LRRC4: variants seen among roughly 807,000 people sequenced by gnomAD.
LRRC4 encodes leucine-rich repeat-containing protein 4.
Under a neutral mutation model 37.9 loss-of-function variants are expected in LRRC4, and 11 were observed. That is an observed-to-expected ratio of 0.29 (90% CI 0.18 to 0.48). The LOEUF (loss-of-function observed/expected upper bound fraction) is 0.48, where lower values mean the gene tolerates loss of function less well. LRRC4 is among the 20% of genes least tolerant of loss of function. The probability of loss-of-function intolerance (pLI) is 0.99; values close to 1 mark genes in which losing one functional copy is unlikely to be tolerated. For missense variants in LRRC4, 717 were observed against 842.1 expected, an observed-to-expected ratio of 0.85 and a Z score of 1.84; for synonymous variants, 404 against 346.7, an observed-to-expected ratio of 1.17 and a Z score of -1.84.
At position 128,030,607 on chromosome 7, in the gene LRRC4, G is replaced by C. The variant is rs755779022; in HGVS notation, c.34C>G (p.His12Asp). ...GGGAGCAGGATGGCATTCCAGGTGT[G>C]GTGGTGCACAGTTACCTGCCACAAG... The part of the protein sequence containing the change: ...KLLWQVTVHH[H>D]TWNAILLPFV... The change falls in exon 2 of 2, where the codon CAC becomes GAC. Residue 12 changes from histidine to aspartate, a missense_variant. His to Asp is a moderately conservative substitution (Grantham distance 81, BLOSUM62 -1). Coordinates refer to ENST00000249363, the MANE Select transcript of LRRC4 (RefSeq NM_022143.5). 6.3e-7 allele frequency: 1 copy of C among 1,581,796 alleles called. No homozygotes were observed. Among genetic ancestry groups the C allele is most frequent in the Non-Finnish European group, 8.6e-7 (1 of 1,160,174 alleles).
At position 128,029,316 on chromosome 7, in the gene LRRC4, C is replaced by T. The variant is rs779369673; in HGVS notation, c.1325G>A (p.Ser442Asn). Residue 442 changes from serine (S) to asparagine (N), a missense_variant, in exon 2 of 2, where the codon AGC (serine) becomes AAC (asparagine). Ser to Asn is a conservative substitution (Grantham distance 46). Transcript: ENST00000249363. The surrounding 1 kb of genome is among the most constrained non-coding windows in gnomAD (Gnocchi z 4.2). Reference protein sequence around the residue: ...NSNASAYLNVSTAELNTSNYS... With the variant: ...NSNASAYLNVNTAELNTSNYS... The stretch of plus-strand genomic sequence containing the variant: ...GTTGGAGGTGTTAAGCTCAGCCGTG[C>T]TCACATTGAGGTAGGCCGAGGCGTT... The T allele has an allele frequency of 5.6e-6, 9 of 1,614,066 alleles. No individual in the cohort carries two copies.
rs751367087 is a variant in LRRC4 at position 128,029,282 on chromosome 7, G to C, written c.1359C>G (p.Phe453Leu). 7.4e-6 allele frequency: 12 copies of C among 1,614,214 alleles called. No individual in the cohort carries two copies. The highest frequency in any genetic ancestry group is 1.0e-5 in the Non-Finnish European group (12 of 1,180,050). Residue 453 changes from phenylalanine (F) to leucine (L), a missense_variant, in exon 2 of 2, where the codon TTC (phenylalanine) becomes TTG (leucine). Coordinates refer to ENST00000249363, the MANE Select transcript of LRRC4 (RefSeq NM_022143.5). This position sits in a 1 kb window ranked among gnomAD's most constrained non-coding sequence, Gnocchi z 4.2. ...TAELNTSNYS[F>L]FTTVTVETTE... is the part of the protein sequence containing the mutation. ...TGGTCTCCACTGTTACTGTGGTGAA[G>C]AAGCTGTAGTTGGAGGTGTTAAGCT... is the stretch of plus-strand genomic sequence containing the variant.
intron 1 of LRRC4, 41 bp from the exon 2 acceptor site, chr7:128,030,781 G>A: frequency 9.0e-7 from 1 of 1,113,786 alleles, no homozygotes; most frequent in South Asian, 1.8e-5. Context: ...GAGAGACGGA[G>A]CGGATCGGCC....
rs770509103 is a variant in LRRC4, at chr7:128,030,431, C to A, written c.210G>T (p.Pro70=). The change falls in exon 2 of 2, where the codon CCG becomes CCT. Residue 70 remains proline, a synonymous_variant. Transcript: ENST00000249363. ...ACCGGGTGTTCGAGGGAATACCCTG[C>A]GGGACCTCGGAGAGGCCCCGGCGCG... The part of the protein sequence containing the change: ...VCTRRGLSEV[P]QGIPSNTRYL... 5.0e-6 allele frequency: 8 copies of A among 1,613,790 alleles called. No individual in the cohort carries two copies. The South Asian group carries it at 8.8e-5, about 18-fold the overall frequency.
rs1281051968 is a variant in LRRC4 at position 128,028,720 on chromosome 7, GAATTATATAA to G, written c.1911_1920del (p.Tyr638ArgfsTer22). 6.2e-7 allele frequency: 1 copy of G among 1,613,944 alleles called. No individual in the cohort carries two copies. The highest frequency in any genetic ancestry group is 2.2e-5 in the East Asian group (1 of 44,888). Reference sequence around the variant, plus strand: ...TGTACCTTGTCCTTGGTATGGGTCTGAATTATATAAGGTTCAGAGATAGTGGTGACTGTGG... The same window carrying G: ...TGTACCTTGTCCTTGGTATGGGTCTGGGTTCAGAGATAGTGGTGACTGTGG... On this transcript the variant is annotated frameshift_variant, in exon 2 of 2. Transcript: ENST00000249363. LOFTEE classifies it high-confidence loss of function.
rs1803539746 is a variant in LRRC4, at chr7:128,028,371, ATTTT to A, written c.*304_*307del. 3.8e-6 allele frequency: 1 copy of A among 261,860 alleles called. No individual in the cohort carries two copies. The highest frequency in any genetic ancestry group is 4.9e-5 in the Admixed American group (1 of 20,324). 16.2% of individuals were successfully genotyped at this position (261,860 alleles called of 1,614,324 possible). ...TTAAGGATGTTTGTTGTTTTAGTTT[ATTTT>A]ATCTCAGCAATTTCAACCTTATACC... On this transcript the variant is annotated 3_prime_UTR_variant, in exon 2 of 2. Transcript: ENST00000249363.
chr7:128,029,505 A>G lies in LRRC4; in HGVS notation c.1136T>C (p.Met379Thr), dbSNP rs748992263. 7 of 1,614,116 alleles carry G rather than the reference A, an allele frequency of 4.3e-6. No individual in the cohort carries two copies. The Admixed American group carries it at 1.2e-4, about 27-fold the overall frequency. Residue 379 changes from methionine to threonine, a missense_variant, in exon 2 of 2, where the codon ATG becomes ACG. Around this residue, in one of 5 missense-constraint regions of LRRC4, gnomAD observed 293 missense variants for 268.3 expected, o/e 1.09. Transcript: ENST00000249363. The surrounding 1 kb of genome is among the most constrained non-coding windows in gnomAD (Gnocchi z 4.2). ...MAELKCRTPP[M>T]SSVKWLLPNG... ...GGGCAGCAACCACTTCACGGAGGAC[A>G]TAGGGGGAGTCCGACACTTAAGTTC...
Position 128,029,232 on chromosome 7 carries a change from G to T in LRRC4, c.1409C>A (p.Thr470Lys). 1 of 1,614,148 alleles carries T rather than the reference G, an allele frequency of 6.2e-7. No individual in the cohort carries two copies. The highest frequency in any genetic ancestry group is 8.5e-7 in the Non-Finnish European group (1 of 1,180,038). Residue 470 changes from threonine to lysine, a missense_variant, in exon 2 of 2, where the codon ACG (threonine) becomes AAG (lysine). Physicochemically the swap from Thr to Lys is moderately conservative, Grantham distance 78 (BLOSUM62 -1). Transcript: ENST00000249363. This position sits in a 1 kb window ranked among gnomAD's most constrained non-coding sequence, Gnocchi z 4.2. ...ETTEISPEDT[T>K]RKYKPVPTTS... is the part of the protein sequence containing the mutation. ...GGTAGGAACAGGCTTGTACTTTCGC[G>T]TTGTGTCCTCAGGCGAGATCTCCGT...
In LRRC4 at chr7:128,027,880, G is replaced by C. The variant is rs918483267; in HGVS notation, c.*799C>G. ...CCTGAATAGACACATGCCTTGCAGA[G>C]TGGGTTAAGCCCAACTGCAGGAATC... is the stretch of plus-strand genomic sequence containing the variant. On this transcript the variant is annotated 3_prime_UTR_variant, in exon 2 of 2. Transcript: ENST00000249363. 1 of 152,174 alleles carries C rather than the reference G, an allele frequency of 6.6e-6. No homozygotes were observed. Among genetic ancestry groups the C allele is most frequent in the African/African-American group, 2.4e-5 (1 of 41,426 alleles). 9.4% of individuals were successfully genotyped at this position (152,174 alleles called of 1,614,324 possible).
rs981755190 is a variant in LRRC4 at position 128,028,174 on chromosome 7, T to C, written c.*505A>G. On this transcript the variant is annotated 3_prime_UTR_variant, in exon 2 of 2. Coordinates refer to ENST00000249363, the MANE Select transcript of LRRC4 (RefSeq NM_022143.5). ...ATCATTTTGGCACAGTACAAATTCA[T>C]GGTGCTTTTTTTTTGTATTTTTTTT... 5 of 153,066 alleles carry C rather than the reference T, an allele frequency of 3.3e-5. No homozygotes were observed. Among genetic ancestry groups the C allele is most frequent in the African/African-American group, 1.2e-4 (5 of 41,464 alleles). The allele number at this position is 153,066 out of a possible 1,614,324, so 9.5% of individuals were successfully genotyped here.
Position 128,028,549 on chromosome 7 carries a change from GTTTT to G in LRRC4, c.*126_*129del, listed in dbSNP as rs906874993. On this transcript the variant is annotated 3_prime_UTR_variant, in exon 2 of 2. Coordinates refer to ENST00000249363, the MANE Select transcript of LRRC4 (RefSeq NM_022143.5). ...TTGTCTTTAAATTTTAATATAATCT[GTTTT>G]TTTTAACCAGCCCATAGACTTAATA... The G allele has an allele frequency of 1.2e-6, 1 of 831,276 alleles. No homozygotes were observed. Among genetic ancestry groups the G allele is most frequent in the South Asian group, 2.5e-5 (1 of 40,806 alleles). 51.5% of individuals were successfully genotyped at this position (831,276 alleles called of 1,614,324 possible).
At position 128,030,581 on chromosome 7, in the gene LRRC4, C is replaced by A. The variant is rs1452081956; in HGVS notation, c.60G>T (p.Pro20=). 2 of 1,604,954 alleles carry A rather than the reference C, an allele frequency of 1.2e-6. No individual in the cohort carries two copies. ...HHHTWNAILL[P]FVYLTAQVWI... ...ACACTTGCGCCGTGAGGTAGACGAA[C>A]GGGAGCAGGATGGCATTCCAGGTGT... The change falls in exon 2 of 2, where the codon CCG becomes CCT. Residue 20 remains proline (P), a synonymous_variant. Coordinates refer to ENST00000249363, the MANE Select transcript of LRRC4 (RefSeq NM_022143.5).
At position 128,029,334 on chromosome 7, in the gene LRRC4, G is replaced by C. The variant is rs774982699; in HGVS notation, c.1307C>G (p.Ser436Trp). The change falls in exon 2 of 2, where the codon TCG becomes TGG. Residue 436 changes from serine to tryptophan, a missense_variant. Coordinates refer to ENST00000249363, the MANE Select transcript of LRRC4 (RefSeq NM_022143.5). The surrounding 1 kb of genome is among the most constrained non-coding windows in gnomAD (Gnocchi z 4.2). ...AGCCGTGCTCACATTGAGGTAGGCCGAGGCGTTGGAGTTGCCTGCAACATT... is the reference window on the plus strand; with the variant it reads ...AGCCGTGCTCACATTGAGGTAGGCCCAGGCGTTGGAGTTGCCTGCAACATT... ...VTNVAGNSNA[S>W]AYLNVSTAEL... 3.7e-6 allele frequency: 6 copies of C among 1,614,058 alleles called. No homozygotes were observed. Among genetic ancestry groups the C allele is most frequent in the African/African-American group, 1.3e-5 (1 of 74,906 alleles).
Position 128,031,343 on chromosome 7 carries a change from G to A in LRRC4, c.-531C>T, listed in dbSNP as rs1238473690. 1.3e-5 allele frequency among the ~76,000 whole-genome samples: 2 copies of A among 151,814 alleles called. No individual in the cohort carries two copies. The highest frequency in any genetic ancestry group is 2.4e-5 in the African/African-American group (1 of 41,400). On this transcript the variant is annotated 5_prime_UTR_variant, in exon 1 of 2. Transcript: ENST00000249363. ...GCGGGCCGCCGCCGGAGGGAGTGCG[G>A]GGGCGCCCCGAAGCCGCCCAGGCCG... is the stretch of plus-strand genomic sequence containing the variant.
Position 128,030,354 on chromosome 7 carries a change from C to G in LRRC4, c.287G>C (p.Arg96Pro), listed in dbSNP as rs746701145. The change falls in exon 2 of 2, where the codon CGC becomes CCC. Residue 96 changes from arginine (R) to proline (P), a missense_variant. Around this residue, in one of 5 missense-constraint regions of LRRC4, gnomAD observed 127 missense variants for 134.8 expected, o/e 0.94. Transcript: ENST00000249363. The part of the protein sequence containing the change: ...NIQMIQADTF[R>P]HLHHLEVLQL... ...CAGGACCTCCAGGTGGTGGAGGTGGCGGAAGGTGTCGGCCTGGATCATCTG... is the reference window on the plus strand; with the variant it reads ...CAGGACCTCCAGGTGGTGGAGGTGGGGGAAGGTGTCGGCCTGGATCATCTG... 1 of 1,613,914 alleles carries G rather than the reference C, an allele frequency of 6.2e-7. No homozygotes were observed. Among genetic ancestry groups the G allele is most frequent in the Non-Finnish European group, 8.5e-7 (1 of 1,180,010 alleles).
Position 128,029,361 on chromosome 7 carries a change from G to A in LRRC4, c.1280C>T (p.Thr427Ile). Residue 427 changes from threonine (T) to isoleucine (I), a missense_variant, in exon 2 of 2, where the codon ACC becomes ATC. Coordinates refer to ENST00000249363, the MANE Select transcript of LRRC4 (RefSeq NM_022143.5). The surrounding 1 kb of genome is among the most constrained non-coding windows in gnomAD (Gnocchi z 4.2). ...GGCGTTGGAGTTGCCTGCAACATTG[G>A]TCACCATGCATGTGTACACCCCAGT... ...SDTGVYTCMV[T>I]NVAGNSNASA... 6.2e-7 allele frequency: 1 copy of A among 1,614,184 alleles called. No individual in the cohort carries two copies. Among genetic ancestry groups the A allele is most frequent in the South Asian group, 1.1e-5 (1 of 91,084 alleles).
chr7:128,031,236 T>C lies in LRRC4; in HGVS notation c.-424A>G, dbSNP rs1185225260. Among the ~76,000 whole-genome samples the C allele has an allele frequency of 6.7e-6, 1 of 149,512 alleles. No individual in the cohort carries two copies. Among genetic ancestry groups the C allele is most frequent in the African/African-American group, 2.4e-5 (1 of 41,046 alleles). On this transcript the variant is annotated 5_prime_UTR_variant, in exon 1 of 2. Coordinates refer to ENST00000249363, the MANE Select transcript of LRRC4 (RefSeq NM_022143.5). Reference sequence around the variant, plus strand: ...CACCAGCGCTTCCCGGCTTTGTCCTTGGACCCTGGCACCGGCTCGCTCCAG... The same window carrying C: ...CACCAGCGCTTCCCGGCTTTGTCCTCGGACCCTGGCACCGGCTCGCTCCAG...
Position 128,027,813 on chromosome 7 carries a change from C to T in LRRC4, c.*866G>A, listed in dbSNP as rs1803522348. ...TGCTTTACCCTCCCTTCCCACCCCC[C>T]TGCTGCCGCACCCCTTCAGGGGCCT... On this transcript the variant is annotated 3_prime_UTR_variant, in exon 2 of 2. Coordinates refer to ENST00000249363, the MANE Select transcript of LRRC4 (RefSeq NM_022143.5). 6.6e-6 allele frequency: 1 copy of T among 152,016 alleles called. No individual in the cohort carries two copies. The highest frequency in any genetic ancestry group is 1.5e-5 in the Non-Finnish European group (1 of 68,050). 9.4% of individuals were successfully genotyped at this position (152,016 alleles called of 1,614,324 possible). A position where few individuals can be genotyped will look rare whatever the true frequency, so the allele number is the denominator to read the frequency against.
rs1217588631 is a variant in LRRC4, at chr7:128,029,342, G to C, written c.1299C>G (p.Ser433=). The C allele has an allele frequency of 6.2e-7, 1 of 1,614,078 alleles. No homozygotes were observed. The highest frequency in any genetic ancestry group is 1.3e-5 in the African/African-American group (1 of 74,922). The part of the protein sequence containing the change: ...TCMVTNVAGN[S]NASAYLNVST... ...TCACATTGAGGTAGGCCGAGGCGTT[G>C]GAGTTGCCTGCAACATTGGTCACCA... Residue 433 remains serine, a synonymous_variant, in exon 2 of 2, where the codon TCC becomes TCG. Transcript: ENST00000249363. This position sits in a 1 kb window ranked among gnomAD's most constrained non-coding sequence, Gnocchi z 4.2.
Sources: gnomAD v4.1 joint callset for allele counts (sites outside exome capture counted in the v4.1 genomes callset) on GRCh38, gnomAD v4.1.1 for gene constraint, gnomAD v4.1.1 regional missense constraint, Gnocchi (gnomAD v3.1) non-coding constraint, MANE v1.5 for transcripts, NCBI Gene and HGNC (gene_info 2026-07-23, HGNC 2026-07-21) for gene names.